CSMD1: variants seen among roughly 807,000 people sequenced by gnomAD.
CSMD1 encodes CUB and Sushi multiple domains 1.
CSMD1 carries 213 observed loss-of-function variants against 417.5 expected under a neutral mutation model. That is an observed-to-expected ratio of 0.51 (90% CI 0.46 to 0.57). The LOEUF is 0.57. CSMD1 is among the 20% of genes least tolerant of loss of function. The pLI, the probability that CSMD1 is intolerant of heterozygous loss-of-function variation, is 0.00. For missense variants in CSMD1, 6,923 were observed against 4,529.7 expected (o/e 1.53, Z -15.17); for synonymous variants, 2,862 against 1,736.8 (o/e 1.65, Z -16.11).
At chr8:3,609,315 T>C (rs1363211674) in intron 8 of CSMD1, among the ~76,000 whole-genome samples, 1 of 152,224 alleles carries the variant, frequency 6.6e-6, no homozygotes, top group Non-Finnish European at 1.5e-5. Flanking sequence ...CAGATATTGG[T>C]ATTTGAATAC....
intron 10 of CSMD1, among the ~76,000 whole-genome samples, chr8:3,566,735 C>T (rs1329260644): frequency 1.3e-5 from 2 of 152,168 alleles, no homozygotes; most frequent in African/African-American, 2.4e-5. Context: ...AAGATACCAT[C>T]TCACACCAGT....
At chr8:3,874,901 G>C (rs935426468) in intron 5 of CSMD1, among the ~76,000 whole-genome samples, 7 of 152,142 alleles carry the variant, frequency 4.6e-5, no homozygotes, top group South Asian at 2.1e-4. Flanking sequence ...CTGCGCACCA[G>C]TGATTTGAAT....
chr8:3,681,497 T>G (rs184513902), intron 7 of CSMD1, among the ~76,000 whole-genome samples: 125 of 152,262 alleles, frequency 8.2e-4, no homozygotes, highest in African/African-American at 2.9e-3. Flanking sequence ...GTGAAGGACC[T>G]CTTCAAGGAG....
chr8:3,753,197 T>C (rs77203908), intron 6 of CSMD1, among the ~76,000 whole-genome samples: 4,939 of 152,226 alleles, frequency 0.032, 190 homozygotes, highest in East Asian at 0.15. Flanking sequence ...GGCACTTTGA[T>C]TGGGAAGGTC....
At chr8:4,747,842 C>A (rs1811056096) in intron 1 of CSMD1, among the ~76,000 whole-genome samples, 1 of 152,200 alleles carries the variant, frequency 6.6e-6, no homozygotes, top group African/African-American at 2.4e-5. Flanking sequence ...TATTCATCAA[C>A]TGTTCAGGTC....
chr8:3,008,799 C>T (rs963267091), intron 52 of CSMD1, among the ~76,000 whole-genome samples: 1 of 152,206 alleles, frequency 6.6e-6, no homozygotes, highest in African/African-American at 2.4e-5. Context: ...AAAACCACCA[C>T]ACTGATTGTC....
At chr8:4,802,315 C>T (rs1798337519) in intron 1 of CSMD1, among the ~76,000 whole-genome samples, 1 of 151,842 alleles carries the variant, frequency 6.6e-6, no homozygotes, top group Non-Finnish European at 1.5e-5. Flanking sequence ...TATGACTGGT[C>T]CTCCAACTAG....
At chr8:4,166,665 G>A (rs1384608210) in intron 3 of CSMD1, among the ~76,000 whole-genome samples, 3 of 152,064 alleles carry the variant, frequency 2.0e-5, no homozygotes, top group Admixed American at 2.0e-4. Flanking sequence ...GTACACTGCT[G>A]GGGTGATGGG....
chr8:3,656,327 C>G (rs1029715785), intron 7 of CSMD1, among the ~76,000 whole-genome samples: 5 of 152,174 alleles, frequency 3.3e-5, no homozygotes, highest in African/African-American at 1.2e-4. Context: ...AGGTATAGCA[C>G]TACTTTCCTA....
In CSMD1 at chr8:4,498,837, A is replaced by C. The variant is rs530304898; in HGVS notation, c.303-78772T>G. Among the ~76,000 whole-genome samples, 5 of 152,252 alleles carry C rather than the reference A, an allele frequency of 3.3e-5. No individual in the cohort carries two copies. In the East Asian group the frequency reaches 9.7e-4, roughly 30 times the overall value. ...CCTGGAGACTTGGCAGCTAAGGGTA[A>C]TTGTCTTTGGTTTCTATGCTTACTA... On this transcript the variant is annotated intron_variant, in intron 2 of 69. Coordinates refer to ENST00000635120, the MANE Select transcript of CSMD1 (RefSeq NM_033225.6).
intron 1 of CSMD1, among the ~76,000 whole-genome samples, chr8:4,651,537 C>T (rs1181428595): frequency 6.6e-6 from 1 of 152,148 alleles, no homozygotes; most frequent in African/African-American, 2.4e-5. Context: ...TTTCTCTAAT[C>T]AGAGTCATAA....
At chr8:3,000,349 A>G (rs1232349992) in intron 52 of CSMD1, among the ~76,000 whole-genome samples, 2 of 151,244 alleles carry the variant, frequency 1.3e-5, no homozygotes, top group East Asian at 3.9e-4. Flanking sequence ...TTCTAATATG[A>G]AATGGTTTGT....
At chr8:3,253,476 G>A (rs1160655959) in intron 26 of CSMD1, among the ~76,000 whole-genome samples, 1 of 152,116 alleles carries the variant, frequency 6.6e-6, no homozygotes, top group Non-Finnish European at 1.5e-5. Flanking sequence ...GACTAGGTGT[G>A]GTGTGGTGCT....
At chr8:4,091,586 T>C (rs568685161) in intron 3 of CSMD1, among the ~76,000 whole-genome samples, 8 of 152,288 alleles carry the variant, frequency 5.3e-5, no homozygotes, top group Admixed American at 1.3e-4. Context: ...AGTATTATAA[T>C]TGTAGGACAT....
At chr8:3,969,849 T>C (rs1021320286) in intron 5 of CSMD1, among the ~76,000 whole-genome samples, 2 of 152,190 alleles carry the variant, frequency 1.3e-5, no homozygotes, top group Non-Finnish European at 2.9e-5. Context: ...CATCTATAAG[T>C]GCATTTCTAG....
chr8:4,477,613 C>T (rs1168136040), intron 2 of CSMD1, among the ~76,000 whole-genome samples: 2 of 152,110 alleles, frequency 1.3e-5, no homozygotes, highest in Admixed American at 6.5e-5. Flanking sequence ...CTGACTTCTG[C>T]ACAGAGAAAG....
intron 16 of CSMD1, among the ~76,000 whole-genome samples, chr8:3,399,100 T>C (rs1454206155): frequency 6.6e-6 from 1 of 152,060 alleles, no homozygotes; most frequent in Non-Finnish European, 1.5e-5. Context: ...GCTGAATTGA[T>C]TCCAGTGCAG....
chr8:4,260,144 A>G (rs1431205462), intron 3 of CSMD1, among the ~76,000 whole-genome samples: 1 of 152,170 alleles, frequency 6.6e-6, no homozygotes, highest in Non-Finnish European at 1.5e-5. Flanking sequence ...CCTGATCTAC[A>G]GTGGCTAAGT....
chr8:4,701,254 C>T (rs1807520162), intron 1 of CSMD1, among the ~76,000 whole-genome samples: 1 of 151,964 alleles, frequency 6.6e-6, no homozygotes, highest in East Asian at 1.9e-4. Flanking sequence ...TCTGCTTCCA[C>T]CTGGCAAATA....
Sources: allele counts gnomAD v4.1 joint callset (sites outside exome capture counted in the v4.1 genomes callset), GRCh38; gene constraint gnomAD v4.1.1; transcripts MANE v1.5; gene names NCBI Gene and HGNC (gene_info 2026-07-23, HGNC 2026-07-21).